DOT1L: variants seen among roughly 807,000 people sequenced by gnomAD.
DOT1L encodes the protein DOT1 like histone lysine methyltransferase, also known as histone-lysine N-methyltransferase, H3 lysine-79 specific.
Under a neutral mutation model 153.3 loss-of-function variants are expected in DOT1L, and 33 were observed. The observed-to-expected ratio is 0.22, with a 90% CI of 0.16 to 0.29. The LOEUF (loss-of-function observed/expected upper bound fraction) is 0.29. DOT1L is among the 10% of genes least tolerant of loss of function. The pLI is 1.00. For synonymous variants in DOT1L, 1,135 were observed against 965.1 expected (o/e 1.18, Z -3.26); for missense variants, 1,847 against 2,119.9 (o/e 0.87, Z 2.53).
At chr19:2,198,181 C>G (rs2023098542) in intron 7 of DOT1L, among the ~76,000 whole-genome samples, 1 of 152,210 alleles carries the variant, frequency 6.6e-6, no homozygotes, top group South Asian at 2.1e-4. Flanking sequence ...GTGATGCGAG[C>G]CCGGATCTGC....
intron 27 of DOT1L, 32 bp downstream of exon 27, chr19:2,227,159 C>T (rs1383952642): frequency 2.5e-6 from 4 of 1,569,390 alleles, no homozygotes; most frequent in Non-Finnish European, 8.6e-7. Flanking sequence ...CCGCCCCCCG[C>T]CCCGGCCCCC....
In DOT1L at chr19:2,185,837, T is replaced by C; in HGVS notation, c.126-18T>C. On this transcript the variant is annotated intron_variant, in intron 2 of 27. Transcript: ENST00000398665. ...AAAAACCAAACCCTTCCTGATCGTT[T>C]CTGCTGCTGTGTTTCAGATGGGTCT... 1.2e-6 allele frequency: 2 copies of C among 1,613,620 alleles called. No homozygotes were observed. Among genetic ancestry groups the C allele is most frequent in the Non-Finnish European group, 1.7e-6 (2 of 1,179,658 alleles).
At chr19:2,216,247 TG>T in intron 19 of DOT1L, 33 bp from the exon 20 acceptor site, 1 of 1,531,732 alleles carries the variant, frequency 6.5e-7, no homozygotes. Flanking sequence ...GGTCCCCCGG[TG>T]GGGCGGGCCT....
chr19:2,230,085 T>C lies in DOT1L; in HGVS notation c.*293T>C. 1.7e-6 allele frequency: 1 copy of C among 585,600 alleles called. No homozygotes were observed. The highest frequency in any genetic ancestry group is 3.0e-6 in the Non-Finnish European group (1 of 334,418). 36.3% of individuals were successfully genotyped at this position (585,600 alleles called of 1,614,324 possible). A position where few individuals can be genotyped will look rare whatever the true frequency, so the allele number is the denominator to read the frequency against. On this transcript the variant is annotated 3_prime_UTR_variant, in exon 28 of 28. Transcript: ENST00000398665. ...CAACTTATTGAGAAATATAAATATCTATATATGAGAGCTCTATATAAAGAC... is the reference window on the plus strand; with the variant it reads ...CAACTTATTGAGAAATATAAATATCCATATATGAGAGCTCTATATAAAGAC...
chr19:2,173,444 A>C (rs903196248), intron 1 of DOT1L, among the ~76,000 whole-genome samples: 1 of 152,186 alleles, frequency 6.6e-6, no homozygotes, highest in African/African-American at 2.4e-5. Context: ...GAGAGCAGCC[A>C]CCAAGCCGCT....
At chr19:2,184,469 G>C (rs2022398679) in intron 2 of DOT1L, among the ~76,000 whole-genome samples, 1 of 152,020 alleles carries the variant, frequency 6.6e-6, no homozygotes, top group Admixed American at 6.6e-5. Context: ...GGGGTAGGGG[G>C]CAATGAAGCT....
At chr19:2,189,187 T>C (rs970667745) in intron 3 of DOT1L, among the ~76,000 whole-genome samples, 7 of 152,182 alleles carry the variant, frequency 4.6e-5, no homozygotes, top group Admixed American at 3.9e-4. Context: ...GTTGGAGCTT[T>C]GGAAGGACAC....
chr19:2,186,198 C>T (rs1285770237), intron 3 of DOT1L, among the ~76,000 whole-genome samples: 2 of 152,378 alleles, frequency 1.3e-5, no homozygotes, highest in Admixed American at 6.5e-5. Context: ...CGCTAGTGAT[C>T]GCTCTTTTTA....
At chr19:2,192,768 C>T (rs2022852412) in intron 5 of DOT1L, among the ~76,000 whole-genome samples, 1 of 152,068 alleles carries the variant, frequency 6.6e-6, no homozygotes, top group African/African-American at 2.4e-5. Context: ...GGGAGGATCG[C>T]TTGAGCCCAA....
At chr19:2,179,955 C>T (rs1422671889) in intron 1 of DOT1L, among the ~76,000 whole-genome samples, 2 of 152,084 alleles carry the variant, frequency 1.3e-5, no homozygotes, top group African/African-American at 4.8e-5. Context: ...GTGGCGTGCA[C>T]TTGGTCTCTG....
Position 2,232,387 on chromosome 19 carries a change from A to G in DOT1L, c.*2595A>G, listed in dbSNP as rs532557760. 3.9e-5 allele frequency: 6 copies of G among 153,754 alleles called. No homozygotes were observed. The East Asian group carries it at 6.2e-4, about 16-fold the overall frequency. 9.5% of individuals were successfully genotyped at this position (153,754 alleles called of 1,614,324 possible). A position where few individuals can be genotyped will look rare whatever the true frequency, so the allele number is the denominator to read the frequency against. The stretch of plus-strand genomic sequence containing the variant: ...ATCGTGGTCAGACCCCCCTCCCAAC[A>G]CAACACGCTGCTGGTCTGTGTCAGC... On this transcript the variant is annotated 3_prime_UTR_variant, in exon 28 of 28. Transcript: ENST00000398665.
Position 2,223,406 on chromosome 19 carries a change from G to A in DOT1L, c.3516G>A (p.Leu1172=), listed in dbSNP as rs2024204783. ...QPPVLKKERP[L]SQTNGAHYSP... ...CCGTGCTCAAGAAGGAGCGGCCTCT[G>A]AGCCAGACCAATGGGGCACACTACT... The change falls in exon 25 of 28, where the codon CTG becomes CTA. Residue 1172 remains leucine, a synonymous_variant. Transcript: ENST00000398665. 1.9e-6 allele frequency: 3 copies of A among 1,613,644 alleles called. No individual in the cohort carries two copies. The highest frequency in any genetic ancestry group is 2.2e-5 in the South Asian group (2 of 91,082).
chr19:2,180,521 G>T (rs571156843), intron 1 of DOT1L, among the ~76,000 whole-genome samples, 192 bp from the exon 2 acceptor site: 1 of 152,184 alleles, frequency 6.6e-6, no homozygotes, highest in East Asian at 1.9e-4. Context: ...TCCCCGGCAA[G>T]GTCTGTGTTC....
chr19:2,196,893 C>A (rs2023047016), intron 7 of DOT1L, among the ~76,000 whole-genome samples: 1 of 152,176 alleles, frequency 6.6e-6, no homozygotes, highest in African/African-American at 2.4e-5. Context: ...GGAGGATAAG[C>A]CCGTGGTCCT....
At position 2,222,195 on chromosome 19, in the gene DOT1L, G is replaced by T; in HGVS notation, c.3026G>T (p.Ser1009Ile). 1 of 1,613,078 alleles carries T rather than the reference G, an allele frequency of 6.2e-7. No individual in the cohort carries two copies. ...PASPAHQLSS[S>I]PRLGGAAQGP... The stretch of plus-strand genomic sequence containing the variant: ...TCTCCCGCCCACCAGCTCTCCTCCA[G>T]TCCCCGGCTTGGTGGGGCCGCCCAG... Residue 1009 changes from serine (S) to isoleucine (I), a missense_variant, in exon 24 of 28, where the codon AGT (serine) becomes ATT (isoleucine). Coordinates refer to ENST00000398665, the MANE Select transcript of DOT1L (RefSeq NM_032482.3). This position sits in a 1 kb window ranked among gnomAD's most constrained non-coding sequence, Gnocchi z 6.5.
At chr19:2,229,279 G>A (rs1049253701) in intron 27 of DOT1L, 72 of 985,350 alleles carry the variant, frequency 7.3e-5, no homozygotes, top group Non-Finnish European at 8.6e-5. Context: ...GACATGGCGT[G>A]CCTGGCGGCG....
At chr19:2,227,202 C>T (rs773561021) in intron 27 of DOT1L, 75 bp downstream of exon 27, 6 of 1,551,422 alleles carry the variant, frequency 3.9e-6, no homozygotes, top group East Asian at 2.2e-5. Flanking sequence ...GGTTCCCTTC[C>T]GCACTCTCTT....
At position 2,225,435 on chromosome 19, in the gene DOT1L, C is replaced by T. The variant is rs1399832084; in HGVS notation, c.3644C>T (p.Pro1215Leu). The stretch of plus-strand genomic sequence containing the variant: ...ATCTCCTTAGAAAGCAAATCTCCCC[C>T]GAAAACCTTGGAAAATGGTGAGTAA... Reference protein sequence around the residue: ...ATISLESKSPPKTLENGGGLA... With the variant: ...ATISLESKSPLKTLENGGGLA... Residue 1215 changes from proline to leucine, a missense_variant, in exon 26 of 28, where the codon CCG becomes CTG. By Grantham distance (98) the Pro-to-Leu change is moderately conservative. Transcript: ENST00000398665. The T allele has an allele frequency of 1.1e-5, 17 of 1,614,086 alleles. No homozygotes were observed. Among genetic ancestry groups the T allele is most frequent in the African/African-American group, 2.7e-5 (2 of 74,930 alleles).
In DOT1L at chr19:2,226,405, G is replaced by T. The variant is rs761769715; in HGVS notation, c.3884G>T (p.Gly1295Val). ...DAKLAAHPRK[G>V]FPGSLSGADG... ...AAGCTGGCCGCTCACCCCAGGAAAG[G>T]CTTTCCCGGCTCCCTGTCGGGGGCT... The change falls in exon 27 of 28, where the codon GGC (glycine) becomes GTC (valine). Residue 1295 changes from glycine to valine, a missense_variant. Around this residue, in one of 8 missense-constraint regions of DOT1L, gnomAD observed 934 missense variants for 825.3 expected, o/e 1.13. Coordinates refer to ENST00000398665, the MANE Select transcript of DOT1L (RefSeq NM_032482.3). 6.3e-7 allele frequency: 1 copy of T among 1,598,550 alleles called. No homozygotes were observed. Among genetic ancestry groups the T allele is most frequent in the Non-Finnish European group, 8.5e-7 (1 of 1,176,140 alleles).
Sources: allele counts gnomAD v4.1 joint callset (sites outside exome capture counted in the v4.1 genomes callset), GRCh38; gene constraint gnomAD v4.1.1; regional missense constraint gnomAD v4.1.1; non-coding constraint Gnocchi (gnomAD v3.1); transcripts MANE v1.5; gene names NCBI Gene and HGNC (gene_info 2026-07-23, HGNC 2026-07-21).